UGT1A8: variants seen among roughly 807,000 people sequenced by gnomAD.
UGT1A8 encodes the protein UDP-glucuronosyltransferase 1A8.
Under a neutral mutation model 45.3 loss-of-function variants are expected in UGT1A8, and 39 were observed. The ratio of observed to expected loss-of-function variants is 0.86; its 90% CI spans 0.67 to 1.12. UGT1A8 has a LOEUF of 1.12. UGT1A8 is among the 50% of genes most tolerant of loss of function. The pLI, the probability that UGT1A8 is intolerant of heterozygous loss-of-function variation, is 0.00. For missense variants in UGT1A8, 719 were observed against 664.9 expected (o/e 1.08, Z -0.90); for synonymous variants, 275 against 249.2 (o/e 1.10, Z -0.97).
chr2:233,700,896 C>T (rs1024170878), intron 1 of UGT1A8, among the ~76,000 whole-genome samples: 2 of 151,952 alleles, frequency 1.3e-5, no homozygotes, highest in African/African-American at 4.8e-5. Flanking sequence ...CAACAGTCCC[C>T]GGTGTGTGAC....
intron 1 of UGT1A8, among the ~76,000 whole-genome samples, chr2:233,687,201 G>A (rs1292818698): frequency 6.6e-6 from 1 of 152,100 alleles, no homozygotes; most frequent in African/African-American, 2.4e-5. Context: ...TAATTGGGTG[G>A]GTGATATGCA....
At chr2:233,637,219 G>A in intron 1 of UGT1A8, 3 of 1,613,920 alleles carry the variant, frequency 1.9e-6, no homozygotes, top group Non-Finnish European at 1.7e-6. Flanking sequence ...AATAGCCTCT[G>A]AAATTCTCCA....
At chr2:233,648,778 T>G in intron 1 of UGT1A8, 1 of 841,298 alleles carries the variant, frequency 1.2e-6, no homozygotes, top group Non-Finnish European at 1.8e-6. Flanking sequence ...TGCCATGACT[T>G]TTAAGGAGAG....
At chr2:233,729,664 T>G (rs755209657) in intron 1 of UGT1A8, 35 of 1,613,812 alleles carry the variant, frequency 2.2e-5, no homozygotes, top group Non-Finnish European at 3.0e-5. Context: ...TCCATGTGAT[T>G]TAGACTTTAA....
intron 1 of UGT1A8, chr2:233,747,860 C>T (rs1402748758): frequency 6.2e-6 from 10 of 1,613,422 alleles, no homozygotes; most frequent in Non-Finnish European, 5.9e-6. Context: ...ACATGCTCTA[C>T]CCTCTGGCCC....
intron 1 of UGT1A8, among the ~76,000 whole-genome samples, chr2:233,642,926 C>A (rs1202386095): frequency 6.6e-6 from 1 of 152,134 alleles, no homozygotes; most frequent in African/African-American, 2.4e-5. Flanking sequence ...CTGTTCTGAG[C>A]CACCTCAAGC....
At chr2:233,714,147 C>T (rs548246419) in intron 1 of UGT1A8, among the ~76,000 whole-genome samples, 18 of 152,186 alleles carry the variant, frequency 1.2e-4, no homozygotes, top group Admixed American at 6.5e-5. Flanking sequence ...GCACCATCTT[C>T]ATGGCTGTGG....
At chr2:233,726,039 A>T (rs544093615) in intron 1 of UGT1A8, among the ~76,000 whole-genome samples, 9 of 152,100 alleles carry the variant, frequency 5.9e-5, no homozygotes, top group Admixed American at 1.3e-4. Flanking sequence ...GATGGCGCAC[A>T]CCTGTGGTCC....
chr2:233,652,577 T>A (rs1157598636), intron 1 of UGT1A8, among the ~76,000 whole-genome samples: 1 of 152,204 alleles, frequency 6.6e-6, no homozygotes, highest in Non-Finnish European at 1.5e-5. Context: ...GTCTCACTCA[T>A]AATGCATAAT....
In UGT1A8 at chr2:233,636,531, C is replaced by T. The variant is rs915837119; in HGVS notation, c.855+17969C>T. 7.4e-6 allele frequency: 12 copies of T among 1,612,732 alleles called. No individual in the cohort carries two copies. In the African/African-American group the frequency reaches 8.0e-5, roughly 11 times the overall value. On this transcript the variant is annotated intron_variant, in intron 1 of 4. Transcript: ENST00000373450. ...CGGGCTGCAGTTCTCTCATGGCTCG[C>T]GCAGGGTGGACCAGCCCCGTTCCTT...
At chr2:233,635,004 CA>C (rs2125457226) in intron 1 of UGT1A8, among the ~76,000 whole-genome samples, 1 of 150,898 alleles carries the variant, frequency 6.6e-6, no homozygotes, top group Non-Finnish European at 1.5e-5. Flanking sequence ...CTGGTGGTGA[CA>C]AAATCTCTCA....
At chr2:233,636,719 T>G in intron 1 of UGT1A8, 2 of 1,614,170 alleles carry the variant, frequency 1.2e-6, no homozygotes, top group Non-Finnish European at 1.7e-6. Context: ...AGTTGGCAAC[T>G]GGAAAGATCA....
chr2:233,739,660 T>G (rs1471154099), intron 1 of UGT1A8, among the ~76,000 whole-genome samples: 1 of 152,216 alleles, frequency 6.6e-6, no homozygotes, highest in Non-Finnish European at 1.5e-5. Flanking sequence ...TGTACCCCCA[T>G]TGTGTCTTGG....
At chr2:233,772,225 G>A in intron 4 of UGT1A8, 37 bp from the exon 5 acceptor site, 2 of 1,613,382 alleles carry the variant, frequency 1.2e-6, no homozygotes, top group Non-Finnish European at 1.7e-6. Flanking sequence ...TCATACCACA[G>A]GTGTTCCAGG....
rs28934877 is a variant in UGT1A8 at position 233,768,333 on chromosome 2, A to G, written c.1189A>G (p.Asn397Asp). The G allele has an allele frequency of 9.9e-6, 16 of 1,614,100 alleles. No homozygotes were observed. The highest frequency in any genetic ancestry group is 1.2e-5 in the Non-Finnish European group (14 of 1,180,052). Residue 397 changes from asparagine (N) to aspartate (D), a missense_variant, in exon 4 of 5, where the codon AAT becomes GAT. Coordinates refer to ENST00000373450, the MANE Select transcript of UGT1A8 (RefSeq NM_019076.5). Reference sequence around the variant, plus strand: ...GCCCTTGTTTGGTGATCAGATGGACAATGCAAAGCGCATGGAGACTAAGGG... The same window carrying G: ...GCCCTTGTTTGGTGATCAGATGGACGATGCAAAGCGCATGGAGACTAAGGG... ...MMPLFGDQMD[N>D]AKRMETKGAG...
In UGT1A8 at chr2:233,648,366, A is replaced by G. The variant is rs535149075; in HGVS notation, c.855+29804A>G. 90 of 401,318 alleles carry G rather than the reference A, an allele frequency of 2.2e-4. No individual in the cohort carries two copies. The Admixed American group carries it at 2.5e-3, about 11-fold the overall frequency. 24.9% of individuals were successfully genotyped at this position (401,318 alleles called of 1,614,324 possible). ...GAGGAATACTTTGACATTACCTTGAAGAAGGTGCACAGTGCCCTGCTTCTC... is the reference window on the plus strand; with the variant it reads ...GAGGAATACTTTGACATTACCTTGAGGAAGGTGCACAGTGCCCTGCTTCTC... On this transcript the variant is annotated intron_variant, in intron 1 of 4. Transcript: ENST00000373450.
chr2:233,642,942 G>T (rs1383348445), intron 1 of UGT1A8, among the ~76,000 whole-genome samples: 1 of 152,096 alleles, frequency 6.6e-6, no homozygotes, highest in African/African-American at 2.4e-5. Context: ...CAAGCTGGGG[G>T]TGGAGTGACA....
At chr2:233,629,596 G>A (rs1333577335) in intron 1 of UGT1A8, among the ~76,000 whole-genome samples, 1 of 151,986 alleles carries the variant, frequency 6.6e-6, no homozygotes, top group Non-Finnish European at 1.5e-5. Flanking sequence ...ATCTTTTAAT[G>A]TCTTTTTCTG....
Position 233,617,653 on chromosome 2 carries a change from T to C in UGT1A8, c.-55T>C, listed in dbSNP as rs549928334. The C allele has an allele frequency of 1.2e-5, 19 of 1,565,570 alleles. No individual in the cohort carries two copies. In the East Asian group the frequency reaches 3.8e-4, roughly 32 times the overall value. On this transcript the variant is annotated 5_prime_UTR_variant, in exon 1 of 5. Transcript: ENST00000373450. ...GTTTTGTGCCTGTAGTTCTTCCGCC[T>C]ACTGTATCATAGCAGCTTAGAATCC...
Sources: allele counts gnomAD v4.1 joint callset (sites outside exome capture counted in the v4.1 genomes callset), GRCh38; gene constraint gnomAD v4.1.1; transcripts MANE v1.5; gene names NCBI Gene and HGNC (gene_info 2026-07-23, HGNC 2026-07-21).